The following VWC2 variants were observed in gnomAD, a reference collection of about 807,000 sequenced individuals.
The protein encoded by VWC2 is brorin.
In VWC2, 14 loss-of-function variants were observed where a neutral mutation model predicts 29.8. The observed-to-expected ratio is 0.47, with a 90% CI of 0.31 to 0.74. The LOEUF is 0.74. Among genes scored for constraint, VWC2 ranks in the 30% least tolerant of loss-of-function variants. VWC2 has a pLI of 0.05. For missense variants in VWC2, 457 were observed against 459.8 expected (o/e 0.99, Z 0.05); for synonymous variants, 213 against 199.0 (o/e 1.07, Z -0.59).
intron 2 of VWC2, among the ~76,000 whole-genome samples, chr7:49,788,472 A>T (rs1290053326): frequency 2.9e-4 from 43 of 147,852 alleles, no homozygotes; most frequent in African/African-American, 9.3e-4. Flanking sequence ...TGTGTGTGAG[A>T]GAGAGTGTGT....
At chr7:49,812,076 T>C (rs1402174897) in intron 3 of VWC2, among the ~76,000 whole-genome samples, 1 of 152,242 alleles carries the variant, frequency 6.6e-6, no homozygotes, top group Admixed American at 6.5e-5. Flanking sequence ...TATTTTATGC[T>C]TCTATTTCTT....
intron 2 of VWC2, among the ~76,000 whole-genome samples, chr7:49,788,796 G>T (rs1191202777): frequency 6.7e-6 from 1 of 149,454 alleles, no homozygotes; most frequent in Non-Finnish European, 1.5e-5. Context: ...GTGGGTGAGT[G>T]TGACTGTGTG....
intron 2 of VWC2, among the ~76,000 whole-genome samples, chr7:49,795,504 C>T (rs1403172561): frequency 6.6e-6 from 1 of 152,138 alleles, no homozygotes; most frequent in Non-Finnish European, 1.5e-5. Flanking sequence ...AAAGTCATTG[C>T]TTTAGTATCT....
chr7:49,838,928 T>C (rs1431931718), intron 3 of VWC2, among the ~76,000 whole-genome samples: 2 of 152,156 alleles, frequency 1.3e-5, no homozygotes, highest in African/African-American at 2.4e-5. Flanking sequence ...AATTTGTATA[T>C]TGAAGCTTTA....
At chr7:49,788,834 A>G (rs547863213) in intron 2 of VWC2, among the ~76,000 whole-genome samples, 42 of 105,080 alleles carry the variant, frequency 4.0e-4, no homozygotes, top group South Asian at 3.8e-3. Context: ...ATATGTGGGT[A>G]TGAGTGTGTG....
Position 49,915,687 on chromosome 7 carries a change from CAA to C in VWC2, c.*3505_*3506del, listed in dbSNP as rs530050420. 197 of 152,072 alleles carry C rather than the reference CAA, an allele frequency of 1.3e-3. No homozygotes were observed. The highest frequency in any genetic ancestry group is 4.7e-3 in the African/African-American group (193 of 41,504). The allele number at this position is 152,072 out of a possible 1,614,324, so 9.4% of individuals were successfully genotyped here. On this transcript the variant is annotated 3_prime_UTR_variant, in exon 4 of 4. Transcript: ENST00000340652. ...GTGGACTATTTAAACATGTAGAAAA[CAA>C]AATTATAGACATAAACTATGATTTT... is the stretch of plus-strand genomic sequence containing the variant.
chr7:49,812,241 A>G (rs1789030300), intron 3 of VWC2, among the ~76,000 whole-genome samples: 1 of 152,230 alleles, frequency 6.6e-6, no homozygotes, highest in African/African-American at 2.4e-5. Context: ...TGGATACACA[A>G]TTAATTAAAT....
chr7:49,823,851 G>A (rs570784222), intron 3 of VWC2, among the ~76,000 whole-genome samples: 2 of 152,262 alleles, frequency 1.3e-5, no homozygotes, highest in African/African-American at 4.8e-5. Flanking sequence ...AACCACCAGT[G>A]ATGAGCATCT....
At position 49,843,457 on chromosome 7, in the gene VWC2, G is replaced by T. The variant is rs550181635; in HGVS notation, c.826+40617G>T. Among the ~76,000 whole-genome samples, 4 of 152,130 alleles carry T rather than the reference G, an allele frequency of 2.6e-5. No homozygotes were observed. In the South Asian group the frequency reaches 6.2e-4, roughly 24 times the overall value. On this transcript the variant is annotated intron_variant, in intron 3 of 3. Transcript: ENST00000340652. ...CAATTTCTTATTCAAGAAATGAAAG[G>T]GTCTACCATTAATGAGTTTGGACAG...
intron 3 of VWC2, among the ~76,000 whole-genome samples, chr7:49,845,551 T>C (rs1361238462): frequency 6.6e-6 from 1 of 152,220 alleles, no homozygotes; most frequent in Non-Finnish European, 1.5e-5. Context: ...GTTGTCTGTG[T>C]GAAATTGGTC....
At chr7:49,838,472 T>A (rs962813155) in intron 3 of VWC2, among the ~76,000 whole-genome samples, 1 of 151,970 alleles carries the variant, frequency 6.6e-6, no homozygotes, top group Non-Finnish European at 1.5e-5. Flanking sequence ...TCTTTTGGGA[T>A]CTTGTCAGTG....
chr7:49,787,488 T>C (rs889854295), intron 2 of VWC2, among the ~76,000 whole-genome samples: 4 of 152,216 alleles, frequency 2.6e-5, no homozygotes, highest in Non-Finnish European at 2.9e-5. Context: ...CTGGTGACAC[T>C]GTGGCATTGT....
intron 3 of VWC2, among the ~76,000 whole-genome samples, chr7:49,892,004 A>G (rs113640361): frequency 0.086 from 12,918 of 150,648 alleles, 624 homozygotes; most frequent in Non-Finnish European, 0.1. Context: ...AACCAAAAGA[A>G]TGCAGTTGGC....
chr7:49,775,417 C>CCCCG lies in VWC2; in HGVS notation c.-19_-18insCCCG. ...CGGCCGCGCTCCCCGCCCGCCCGCC[C>CCCCG]GCCGGGACGTGGTAGGGGATGCCCA... On this transcript the variant is annotated 5_prime_UTR_variant, in exon 2 of 4. It removes the in-frame stop codon of an upstream open reading frame in the 5' UTR. Transcript: ENST00000340652. 1 of 1,316,562 alleles carries CCCCG rather than the reference C, an allele frequency of 7.6e-7. No individual in the cohort carries two copies. Among genetic ancestry groups the CCCCG allele is most frequent in the Non-Finnish European group, 9.7e-7 (1 of 1,029,520 alleles). The allele number at this position is 1,316,562 out of a possible 1,614,324, so 81.6% of individuals were successfully genotyped here.
intron 3 of VWC2, among the ~76,000 whole-genome samples, chr7:49,862,245 T>C (rs1790678498): frequency 6.6e-6 from 1 of 152,202 alleles, no homozygotes; most frequent in Admixed American, 6.5e-5. Context: ...TGAAATAGAA[T>C]TGCTCTCTTA....
At chr7:49,839,511 G>A (rs1789744093) in intron 3 of VWC2, among the ~76,000 whole-genome samples, 1 of 152,048 alleles carries the variant, frequency 6.6e-6, no homozygotes, top group Admixed American at 6.6e-5. Flanking sequence ...CATGATTAAA[G>A]CAGAGAGAAA....
At chr7:49,898,590 A>G (rs1312625799) in intron 3 of VWC2, among the ~76,000 whole-genome samples, 3 of 152,086 alleles carry the variant, frequency 2.0e-5, no homozygotes, top group Non-Finnish European at 4.4e-5. Context: ...ACACACACAC[A>G]TATCATAAGC....
At position 49,918,189 on chromosome 7, in the gene VWC2, T is replaced by A. The variant is rs1257746538; in HGVS notation, c.*6004T>A. 3 of 152,182 alleles carry A rather than the reference T, an allele frequency of 2.0e-5. No individual in the cohort carries two copies. The highest frequency in any genetic ancestry group is 7.2e-5 in the African/African-American group (3 of 41,450). The allele number at this position is 152,182 out of a possible 1,614,324, so 9.4% of individuals were successfully genotyped here. ...TGCTATCCCCTTTGTTGCAGAAAAG[T>A]AAATATAGGCTCAGGGAAATTTAAA... On this transcript the variant is annotated 3_prime_UTR_variant, in exon 4 of 4. Transcript: ENST00000340652.
At position 49,840,291 on chromosome 7, in the gene VWC2, T is replaced by C. The variant is rs1205393243; in HGVS notation, c.826+37451T>C. 2.0e-5 allele frequency among the ~76,000 whole-genome samples: 3 copies of C among 152,306 alleles called. No individual in the cohort carries two copies. The East Asian group carries it at 5.8e-4, about 29-fold the overall frequency. On this transcript the variant is annotated intron_variant, in intron 3 of 3. Coordinates refer to ENST00000340652, the MANE Select transcript of VWC2 (RefSeq NM_198570.5). Reference sequence around the variant, plus strand: ...TAGAGCTGTGGGGAATGTCTGGTGGTATGGTGGAGGGGCACGGAGTATAGG... The same window carrying C: ...TAGAGCTGTGGGGAATGTCTGGTGGCATGGTGGAGGGGCACGGAGTATAGG...
Sources: gnomAD v4.1 joint callset for allele counts (sites outside exome capture counted in the v4.1 genomes callset) on GRCh38, gnomAD v4.1.1 for gene constraint, MANE v1.5 for transcripts, NCBI Gene and HGNC (gene_info 2026-07-23, HGNC 2026-07-21) for gene names.